RIMKLB: variants seen among roughly 807,000 people sequenced by gnomAD.
The protein encoded by RIMKLB is beta-citrylglutamate synthase B.
RIMKLB carries 7 observed loss-of-function variants against 32.0 expected under a neutral mutation model. The ratio of observed to expected loss-of-function variants is 0.22; its 90% CI spans 0.12 to 0.41. The LOEUF is 0.41. Among genes scored for constraint, RIMKLB ranks in the 10% least tolerant of loss-of-function variants. The pLI, the probability that RIMKLB is intolerant of heterozygous loss-of-function variation, is 1.00. For synonymous variants in RIMKLB, 172 were observed against 185.1 expected, an observed-to-expected ratio of 0.93 and a Z score of 0.57; for missense variants, 289 against 498.7, an observed-to-expected ratio of 0.58 and a Z score of 4.00.
At chr12:8,722,823 G>A (rs1229619470) in intron 2 of RIMKLB, among the ~76,000 whole-genome samples, 1 of 152,198 alleles carries the variant, frequency 6.6e-6, no homozygotes, top group East Asian at 1.9e-4. Context: ...TATACAGATG[G>A]CTTCTGTTCC....
chr12:8,671,811 G>T, the RIMKLB span, among the ~76,000 whole-genome samples: 1 of 152,070 alleles, frequency 6.6e-6, no homozygotes, highest in Non-Finnish European at 1.5e-5. Context: ...TACTCGGGAG[G>T]CTGAGATGGA....
intron 2 of RIMKLB, among the ~76,000 whole-genome samples, chr12:8,714,701 TATTA>T (rs990134684): frequency 1.6e-4 from 24 of 152,312 alleles, no homozygotes; most frequent in South Asian, 8.3e-4. Context: ...AATTCTTTAG[TATTA>T]ATTTTCAGAA....
At chr12:8,697,023 C>G (rs1049081996), upstream of RIMKLB, among the ~76,000 whole-genome samples, 2 of 152,084 alleles carry the variant, frequency 1.3e-5, no homozygotes, top group African/African-American at 4.8e-5. Context: ...TCTTAGCCTC[C>G]TTTGGGCTAT....
chr12:8,758,102 T>A (rs1050019074), intron 5 of RIMKLB, among the ~76,000 whole-genome samples: 8 of 152,120 alleles, frequency 5.3e-5, no homozygotes, highest in African/African-American at 1.7e-4. Flanking sequence ...TGGCCTGTCA[T>A]GTCATTATTT....
chr12:8,732,675 G>A (rs1247495365), intron 2 of RIMKLB, among the ~76,000 whole-genome samples: 2 of 152,032 alleles, frequency 1.3e-5, no homozygotes, highest in African/African-American at 4.8e-5. Context: ...GACACTTTGT[G>A]AAGATAATGC....
Position 8,721,752 on chromosome 12 carries a change from G to GT in RIMKLB, c.175+7720dup, listed in dbSNP as rs532348494. On this transcript the variant is annotated intron_variant, in intron 2 of 5. Coordinates refer to ENST00000535829, the MANE Select transcript of RIMKLB (RefSeq NM_001297776.2). ...GAATTATGAGTGTTTTTTGTTTTTT[G>GT]TTTTTTTTTGAGATGGAGTCTGACT... Among the ~76,000 whole-genome samples the GT allele has an allele frequency of 4.0e-3, 601 of 150,470 alleles. 4 individuals carry two copies. The highest frequency in any genetic ancestry group is 0.014 in the Middle Eastern group (4 of 290).
chr12:8,690,332 TC>T (rs765109572), intron 1 of RIMKLB, among the ~76,000 whole-genome samples: 1 of 152,192 alleles, frequency 6.6e-6, no homozygotes, highest in Non-Finnish European at 1.5e-5. Context: ...GATTCTTGGG[TC>T]CTTTGTGGCA....
intron 2 of RIMKLB, among the ~76,000 whole-genome samples, chr12:8,717,320 TA>T (rs1565569661): frequency 6.6e-6 from 1 of 152,212 alleles, no homozygotes; most frequent in Non-Finnish European, 1.5e-5. Context: ...CAAAGCCGTT[TA>T]AAAAATGTTA....
In RIMKLB at chr12:8,718,663, ATATATATGTGTG is replaced by A. The variant is rs758449990; in HGVS notation, c.175+4624_175+4635del. On this transcript the variant is annotated intron_variant, in intron 2 of 5. Coordinates refer to ENST00000535829, the MANE Select transcript of RIMKLB (RefSeq NM_001297776.2). Reference sequence around the variant, plus strand: ...TCTCTCTCTCTCTCTCTATATATATATATATATGTGTGTGTGTGTGTGTGTGTGTGTGTGTGT... The same window carrying A: ...TCTCTCTCTCTCTCTCTATATATATATGTGTGTGTGTGTGTGTGTGTGTGT... Among the ~76,000 whole-genome samples the A allele has an allele frequency of 1.1e-3, 122 of 116,134 alleles. 1 individual carries two copies. Among genetic ancestry groups the A allele is most frequent in the African/African-American group, 3.5e-3 (115 of 33,258 alleles). 76.2% of individuals were successfully genotyped at this position (116,134 alleles called of 152,430 possible). A position where few individuals can be genotyped will look rare whatever the true frequency, so the allele number is the denominator to read the frequency against.
At chr12:8,721,792 G>A (rs1945464635) in intron 2 of RIMKLB, among the ~76,000 whole-genome samples, 1 of 152,052 alleles carries the variant, frequency 6.6e-6, no homozygotes, top group African/African-American at 2.4e-5. Flanking sequence ...CACCCAGGCT[G>A]GAGTGCAGTG....
downstream of RIMKLB, among the ~76,000 whole-genome samples, chr12:8,778,338 G>A (rs1370731294): frequency 6.6e-6 from 1 of 152,076 alleles, no homozygotes; most frequent in Non-Finnish European, 1.5e-5. Flanking sequence ...AAAGTGAAAG[G>A]GAATAGTAAG....
intron 5 of RIMKLB, among the ~76,000 whole-genome samples, chr12:8,772,136 C>T: frequency 6.6e-6 from 1 of 152,206 alleles, no homozygotes; most frequent in African/African-American, 2.4e-5. Context: ...TGATCCACCT[C>T]AGCCTCCCAA....
intron 2 of RIMKLB, among the ~76,000 whole-genome samples, chr12:8,716,126 A>G (rs1279000937): frequency 6.6e-6 from 1 of 152,234 alleles, no homozygotes; most frequent in Non-Finnish European, 1.5e-5. Context: ...GGTTACAGCC[A>G]TAGTTCCTTA....
chr12:8,715,228 C>CTTTTTTTTTT (rs61677474), intron 2 of RIMKLB, among the ~76,000 whole-genome samples: 30 of 123,738 alleles, frequency 2.4e-4, no homozygotes, highest in African/African-American at 9.6e-4. Context: ...TGCTCTTGTT[C>CTTTTTTTTTT]TTTTTTTTTT....
At chr12:8,702,254 TTTTTTATCTG>T (rs1943474837) in intron 1 of RIMKLB, among the ~76,000 whole-genome samples, 1 of 152,234 alleles carries the variant, frequency 6.6e-6, no homozygotes, top group African/African-American at 2.4e-5. Flanking sequence ...AATCTCTGTA[TTTTTTATCTG>T]TCTATCAGTT....
chr12:8,670,017 A>T, the RIMKLB span, among the ~76,000 whole-genome samples: 1 of 125,154 alleles, frequency 8.0e-6, no homozygotes, highest in Non-Finnish European at 1.6e-5. Flanking sequence ...ACAGAGCAAG[A>T]CTCCGTCTCA....
intron 1 of RIMKLB, among the ~76,000 whole-genome samples, chr12:8,689,955 C>T (rs1335115842): frequency 6.6e-6 from 1 of 152,128 alleles, no homozygotes; most frequent in Admixed American, 6.6e-5. Flanking sequence ...TCTCTAGTGA[C>T]ATCACTCCTT....
At chr12:8,714,890 A>G (rs1837186000) in intron 2 of RIMKLB, among the ~76,000 whole-genome samples, 1 of 152,202 alleles carries the variant, frequency 6.6e-6, no homozygotes, top group African/African-American at 2.4e-5. Flanking sequence ...CTTTGTGACT[A>G]GAATTATACT....
Position 8,714,796 on chromosome 12 carries a change from CAT to C in RIMKLB, c.175+759_175+760del, listed in dbSNP as rs990938649. On this transcript the variant is annotated intron_variant, in intron 2 of 5. Coordinates refer to ENST00000535829, the MANE Select transcript of RIMKLB (RefSeq NM_001297776.2). The stretch of plus-strand genomic sequence containing the variant: ...TCTGTCAGGGAGCATTATATGGTGT[CAT>C]ATAAATGGACTTTTTGACTGGCTTT... 5.5e-4 allele frequency among the ~76,000 whole-genome samples: 83 copies of C among 152,076 alleles called. 1 individual carries two copies. The highest frequency in any genetic ancestry group is 2.1e-3 in the Admixed American group (32 of 15,262).
Sources: allele counts gnomAD v4.1 joint callset (sites outside exome capture counted in the v4.1 genomes callset), GRCh38; gene constraint gnomAD v4.1.1; transcripts MANE v1.5; gene names NCBI Gene and HGNC (gene_info 2026-07-23, HGNC 2026-07-21).